The following BTBD9 variants were observed in gnomAD, a reference collection of about 807,000 sequenced individuals.
BTBD9 encodes BTB domain containing 9.
In BTBD9, 49 loss-of-function variants were observed where a neutral mutation model predicts 64.3. That is an observed-to-expected ratio of 0.76 (90% CI 0.61 to 0.97). The LOEUF (loss-of-function observed/expected upper bound fraction) is 0.97. Ranked by LOEUF, BTBD9 falls within the 50% of genes least tolerant of loss-of-function variation. BTBD9 has a pLI of 0.00. For missense variants in BTBD9, 598 were observed against 762.1 expected (o/e 0.78, Z 2.53); for synonymous variants, 260 against 274.7 (o/e 0.95, Z 0.53).
Position 38,168,746 on chromosome 6 carries a change from G to A in BTBD9, c.*6239C>T, listed in dbSNP as rs1766623372. ...CTGGGAGGTACACACATCTTTACAG[G>A]CCCAGAAACGCCAAAGGCTGGGAGG... On this transcript the variant is annotated 3_prime_UTR_variant, in exon 11 of 11. Coordinates refer to ENST00000481247, the MANE Select transcript of BTBD9 (RefSeq NM_001099272.2). 1 of 152,186 alleles carries A rather than the reference G, an allele frequency of 6.6e-6. No individual in the cohort carries two copies. Among genetic ancestry groups the A allele is most frequent in the South Asian group, 2.1e-4 (1 of 4,828 alleles). The allele number at this position is 152,186 out of a possible 1,614,324, so 9.4% of individuals were successfully genotyped here. A position where few individuals can be genotyped will look rare whatever the true frequency, so the allele number is the denominator to read the frequency against.
intron 8 of BTBD9, among the ~76,000 whole-genome samples, chr6:38,268,194 A>G (rs192281043): frequency 6.0e-4 from 91 of 152,326 alleles, no homozygotes; most frequent in Middle Eastern, 6.8e-3. Context: ...ATAATTTATG[A>G]AAAATATCCA....
chr6:38,629,201 A>G (rs1356791294), intron 1 of BTBD9, among the ~76,000 whole-genome samples: 1 of 152,224 alleles, frequency 6.6e-6, no homozygotes, highest in Non-Finnish European at 1.5e-5. Flanking sequence ...AACAATCATG[A>G]CAATAATGGA....
chr6:38,279,194 C>T (rs1422232792), intron 8 of BTBD9, among the ~76,000 whole-genome samples: 3 of 152,000 alleles, frequency 2.0e-5, no homozygotes, highest in African/African-American at 7.2e-5. Context: ...GGTCTCAGTG[C>T]TTCTGCTTGT....
intron 6 of BTBD9, among the ~76,000 whole-genome samples, chr6:38,353,752 C>T (rs1764613896): frequency 6.6e-6 from 1 of 152,148 alleles, no homozygotes; most frequent in Non-Finnish European, 1.5e-5. Context: ...ATAAGCTATG[C>T]GTTTCCACGA....
chr6:38,440,258 G>A (rs1768966505), intron 6 of BTBD9, among the ~76,000 whole-genome samples: 1 of 152,212 alleles, frequency 6.6e-6, no homozygotes, highest in African/African-American at 2.4e-5. Context: ...TTCAGTTTTA[G>A]AGGCTGGAGG....
chr6:38,588,323 C>A, intron 4 of BTBD9: 2 of 983,250 alleles, frequency 2.0e-6, no homozygotes, highest in South Asian at 1.3e-5. Context: ...CAAATTTATA[C>A]TACCCAAACT....
chr6:38,451,530 T>G (rs1434223332), intron 6 of BTBD9, among the ~76,000 whole-genome samples: 1 of 152,158 alleles, frequency 6.6e-6, no homozygotes, highest in African/African-American at 2.4e-5. Flanking sequence ...CCACTCACCT[T>G]AAATACATAT....
chr6:38,197,385 T>C (rs1010802011), intron 9 of BTBD9, among the ~76,000 whole-genome samples: 4 of 152,204 alleles, frequency 2.6e-5, no homozygotes, highest in Admixed American at 6.5e-5. Context: ...TGAAGACCTT[T>C]CAAATAATTT....
chr6:38,256,397 G>C lies in BTBD9; in HGVS notation c.1562+12C>G. 6.3e-7 allele frequency: 1 copy of C among 1,591,654 alleles called. No individual in the cohort carries two copies. Among genetic ancestry groups the C allele is most frequent in the Non-Finnish European group, 8.6e-7 (1 of 1,159,952 alleles). On this transcript the variant is annotated intron_variant, in intron 9 of 10. Coordinates refer to ENST00000481247, the MANE Select transcript of BTBD9 (RefSeq NM_001099272.2). ...TTCAATAGGAATAAATTCCTGAAAA[G>C]ACACAACTTACTTGCAGGAGACTTT...
chr6:38,582,750 T>TA (rs2127478825), intron 4 of BTBD9, among the ~76,000 whole-genome samples: 1 of 152,352 alleles, frequency 6.6e-6, no homozygotes, highest in African/African-American at 2.4e-5. Flanking sequence ...TAAGGCCTGT[T>TA]AGTCTCTCTG....
chr6:38,539,728 T>C (rs531764430), intron 6 of BTBD9, among the ~76,000 whole-genome samples: 1 of 152,334 alleles, frequency 6.6e-6, no homozygotes, highest in South Asian at 2.1e-4. Context: ...ACCAATTCAA[T>C]TTGGGTATAA....
At chr6:38,329,559 G>A (rs1418325360) in intron 7 of BTBD9, among the ~76,000 whole-genome samples, 2 of 152,022 alleles carry the variant, frequency 1.3e-5, no homozygotes, top group African/African-American at 4.8e-5. Flanking sequence ...CTGACCTCAA[G>A]TGATCTGCCC....
At chr6:38,271,173 A>G (rs1475068860) in intron 8 of BTBD9, among the ~76,000 whole-genome samples, 5 of 152,222 alleles carry the variant, frequency 3.3e-5, no homozygotes, top group Non-Finnish European at 7.3e-5. Context: ...ATCTTGGCAG[A>G]ATCTCAGTAT....
At chr6:38,306,358 T>C (rs1762622446) in intron 7 of BTBD9, among the ~76,000 whole-genome samples, 1 of 152,190 alleles carries the variant, frequency 6.6e-6, no homozygotes, top group African/African-American at 2.4e-5. Context: ...ATCCCTCACC[T>C]ACATCCCTAT....
intron 6 of BTBD9, chr6:38,403,009 G>A (rs905494083): frequency 8.1e-6 from 4 of 493,354 alleles, no homozygotes; most frequent in Non-Finnish European, 1.1e-5. Flanking sequence ...GGACACAGAG[G>A]CTGCAGTGAG....
At chr6:38,590,096 A>G (rs1019922859) in intron 4 of BTBD9, among the ~76,000 whole-genome samples, 3 of 152,158 alleles carry the variant, frequency 2.0e-5, no homozygotes, top group African/African-American at 4.8e-5. Flanking sequence ...GCATTCACCA[A>G]TTACCCATTA....
Position 38,249,820 on chromosome 6 carries a change from C to T in BTBD9, c.1562+6589G>A, listed in dbSNP as rs555668696. Among the ~76,000 whole-genome samples, 12 of 149,756 alleles carry T rather than the reference C, an allele frequency of 8.0e-5. No individual in the cohort carries two copies. The South Asian group carries it at 1.3e-3, about 16-fold the overall frequency. On this transcript the variant is annotated intron_variant, in intron 9 of 10. Coordinates refer to ENST00000481247, the MANE Select transcript of BTBD9 (RefSeq NM_001099272.2). ...AAAAAGAGTATATAAGACTCAACAA[C>T]GGGTAAATGTGGAGCTACTCTGGCT...
intron 9 of BTBD9, among the ~76,000 whole-genome samples, chr6:38,222,529 G>T (rs575688328): frequency 6.6e-6 from 1 of 152,050 alleles, no homozygotes; most frequent in Non-Finnish European, 1.5e-5. Flanking sequence ...AAAGTGCTAG[G>T]ATTACAGGCA....
intron 6 of BTBD9, among the ~76,000 whole-genome samples, chr6:38,353,112 G>A (rs955732843): frequency 1.6e-4 from 24 of 152,300 alleles, no homozygotes; most frequent in Non-Finnish European, 2.9e-4. Flanking sequence ...AAACGGGAAA[G>A]TACAACTAGC....
Sources: gnomAD v4.1 joint callset for allele counts (sites outside exome capture counted in the v4.1 genomes callset) on GRCh38, gnomAD v4.1.1 for gene constraint, MANE v1.5 for transcripts, NCBI Gene and HGNC (gene_info 2026-07-23, HGNC 2026-07-21) for gene names.